Variants in IRF3 observed in about 807,000 individuals in gnomAD.
The protein encoded by IRF3 is interferon regulatory factor 3.
IRF3 carries 29 observed loss-of-function variants against 43.2 expected under a neutral mutation model. The observed-to-expected ratio is 0.67, with a 90% CI of 0.50 to 0.91. The LOEUF (loss-of-function observed/expected upper bound fraction) is 0.91. Among genes scored for constraint, IRF3 ranks in the 40% least tolerant of loss-of-function variants. The pLI is 0.00. For missense variants in IRF3, 505 were observed against 559.1 expected (o/e 0.90, Z 0.98); for synonymous variants, 228 against 233.9 (o/e 0.97, Z 0.23).
chr19:49,660,614 T>C (rs868785668), intron 7 of IRF3, 99 bp downstream of exon 7: 91 of 1,309,308 alleles, frequency 7.0e-5, no homozygotes, highest in Middle Eastern at 5.4e-4. Flanking sequence ...GAAGTTGCAG[T>C]TTTTTAGAGG....
Position 49,660,821 on chromosome 19 carries a change from A to C in IRF3, c.990T>G (p.Ile330Met). The change falls in exon 7 of 8, where the codon ATT becomes ATG. Residue 330 changes from isoleucine to methionine, a missense_variant. Transcript: ENST00000377139. ...AGCGTCCGCTTCCTTCCGTGAAGGT[A>C]ATCAGATCTGGGGGCCCAGGAGCCT... ...FDLGPFIVDL[I>M]TFTEGSGRSP... 6.3e-7 allele frequency: 1 copy of C among 1,598,382 alleles called. No homozygotes were observed. Among genetic ancestry groups the C allele is most frequent in the Non-Finnish European group, 8.5e-7 (1 of 1,172,924 alleles).
intron 6 of IRF3, 116 bp from the exon 7 acceptor site, chr19:49,660,944 G>A (rs1022160232): frequency 1.5e-5 from 18 of 1,181,158 alleles, no homozygotes; most frequent in African/African-American, 3.1e-5. Flanking sequence ...CTGCTGCCTC[G>A]ACCAGGGGAC....
chr19:49,660,873 AC>A, intron 6 of IRF3, 45 bp from the exon 7 acceptor site: 1 of 1,554,342 alleles, frequency 6.4e-7, no homozygotes, highest in African/African-American at 1.4e-5. Flanking sequence ...AGGACCCTCT[AC>A]CCACCCTTCC....
rs1329164380 is a variant in IRF3, at chr19:49,665,563, G to C, written c.-9+68C>G. The C allele has an allele frequency of 1.6e-5, 8 of 493,666 alleles. No homozygotes were observed. The East Asian group carries it at 2.8e-4, about 17-fold the overall frequency. The allele number at this position is 493,666 out of a possible 1,614,324, so 30.6% of individuals were successfully genotyped here. ...AGCCTGCCTTTCCACTCTCCGTGCA[G>C]ACCCATCCTCTTTCCCGCTCCTCGC... On this transcript the variant is annotated intron_variant, in intron 1 of 7. Transcript: ENST00000377139.
chr19:49,660,027 A>ACACACACACACACACACACACCCCC (rs57168131), intron 7 of IRF3, among the ~76,000 whole-genome samples, 194 bp from the exon 8 acceptor site: 1 of 74,716 alleles, frequency 1.3e-5, no homozygotes, highest in African/African-American at 9.9e-5. Flanking sequence ...ACACACACAC[A>ACACACACACACACACACACACCCCC]CCCCCTGCTG....
rs974849430 is a variant in IRF3 at position 49,665,617 on chromosome 19, C to T, written c.-9+14G>A. The T allele has an allele frequency of 2.8e-5, 17 of 617,102 alleles. No homozygotes were observed. The highest frequency in any genetic ancestry group is 2.1e-4 in the Admixed American group (7 of 33,074). The allele number at this position is 617,102 out of a possible 1,614,324, so 38.2% of individuals were successfully genotyped here. A position where few individuals can be genotyped will look rare whatever the true frequency, so the allele number is the denominator to read the frequency against. The stretch of plus-strand genomic sequence containing the variant: ...CGGACGCCACCAACGCTCTCCCGGG[C>T]TCTTCCGCGTTACCTACGATGGAAG... On this transcript the variant is annotated intron_variant, in intron 1 of 7. Transcript: ENST00000377139.
chr19:49,664,844 G>C lies in IRF3; in HGVS notation c.-6C>G. On this transcript the variant is annotated splice_region_variant and 5_prime_UTR_variant, in exon 2 of 8. Transcript: ENST00000377139. ...CGTGGCTTTGGGGTTCCCATGGTCC[G>C]GCCTGCGCGTATAGGGCATTTCCTG... 1 of 1,610,060 alleles carries C rather than the reference G, an allele frequency of 6.2e-7. No individual in the cohort carries two copies. Among genetic ancestry groups the C allele is most frequent in the East Asian group, 2.2e-5 (1 of 44,818 alleles).
chr19:49,660,433 C>G (rs2081271993), intron 7 of IRF3, among the ~76,000 whole-genome samples: 1 of 152,180 alleles, frequency 6.6e-6, no homozygotes, highest in African/African-American at 2.4e-5. Context: ...GGAGCAGTTT[C>G]ATCCCGAAAC....
At chr19:49,664,998 T>G in intron 1 of IRF3, 152 bp from the exon 2 acceptor site, 1 of 730,960 alleles carries the variant, frequency 1.4e-6, no homozygotes, top group Non-Finnish European at 2.2e-6. Flanking sequence ...CCTCTTCCCA[T>G]CCTCCCATCC....
chr19:49,660,064 T>A (rs1156810270), intron 7 of IRF3, among the ~76,000 whole-genome samples: 1 of 141,002 alleles, frequency 7.1e-6, no homozygotes, highest in African/African-American at 2.7e-5. Context: ...CTAGGGCTGC[T>A]GGGAGTTGTA....
chr19:49,664,540 T>A, intron 2 of IRF3, 134 bp downstream of exon 2: 4 of 1,559,928 alleles, frequency 2.6e-6, no homozygotes, highest in Non-Finnish European at 2.6e-6. Context: ...CCTCCCGTTC[T>A]AGCCCCACCC....
Position 49,663,180 on chromosome 19 carries a change from A to AT in IRF3, c.408+7dup. On this transcript the variant is annotated splice_region_variant and intron_variant, in intron 4 of 7. Coordinates refer to ENST00000377139, the MANE Select transcript of IRF3 (RefSeq NM_001571.6). ...ACTGAGGGGCATGAAAGTTGGGCAC[A>AT]TTCTCACCTGGGTATCAGAAGTACT... is the stretch of plus-strand genomic sequence containing the variant. The AT allele has an allele frequency of 6.2e-7, 1 of 1,613,134 alleles. No individual in the cohort carries two copies. Among genetic ancestry groups the AT allele is most frequent in the East Asian group, 2.2e-5 (1 of 44,878 alleles).
chr19:49,663,490 A>G lies in IRF3; in HGVS notation c.190T>C (p.Tyr64His), dbSNP rs1483450963. The change falls in exon 3 of 8, where the codon TAT becomes CAT. Residue 64 changes from tyrosine to histidine, a missense_variant. Physicochemically the swap from Tyr to His is moderately conservative, Grantham distance 83. Transcript: ENST00000377139. ...FQAWAEATGA[Y>H]VPGRDKPDLP... ...TCTGGCTTATCCCTCCCGGGAACATATGCACCAGTGGCCTCGGCCCAGGCC... is the reference window on the plus strand; with the variant it reads ...TCTGGCTTATCCCTCCCGGGAACATGTGCACCAGTGGCCTCGGCCCAGGCC... 7 of 1,613,984 alleles carry G rather than the reference A, an allele frequency of 4.3e-6. No individual in the cohort carries two copies. In the South Asian group the frequency reaches 5.5e-5, roughly 13 times the overall value.
At chr19:49,665,297 CAG>C (rs1468765826) in intron 1 of IRF3, 4 of 178,000 alleles carry the variant, frequency 2.2e-5, no homozygotes, top group Non-Finnish European at 4.8e-5. Context: ...ATTTCCAACA[CAG>C]AACTTCCATT....
intron 2 of IRF3, chr19:49,664,334 C>G (rs924284487): frequency 3.9e-5 from 31 of 799,184 alleles, no homozygotes; most frequent in Non-Finnish European, 4.5e-5. Flanking sequence ...GGCTCCAGGC[C>G]TCACCTCTGA....
rs563734774 is a variant in IRF3, at chr19:49,665,675, T to C, written c.-53A>G. 3.8e-4 allele frequency: 420 copies of C among 1,105,314 alleles called. No homozygotes were observed. Among genetic ancestry groups the C allele is most frequent in the African/African-American group, 3.8e-3 (241 of 63,738 alleles). 68.5% of individuals were successfully genotyped at this position (1,105,314 alleles called of 1,614,324 possible). A position where few individuals can be genotyped will look rare whatever the true frequency, so the allele number is the denominator to read the frequency against. On this transcript the variant is annotated 5_prime_UTR_variant, in exon 1 of 8. Coordinates refer to ENST00000377139, the MANE Select transcript of IRF3 (RefSeq NM_001571.6). ...CGTGCGGGCAGCTGGAACCCACCCC[T>C]GTCTTGGAGCTCCGGGTAGCTCTCA...
At chr19:49,661,905 G>C (rs201280210) in intron 6 of IRF3, 43 bp downstream of exon 6, 83 of 1,557,444 alleles carry the variant, frequency 5.3e-5, no homozygotes, top group African/African-American at 1.4e-4. Flanking sequence ...CCACTGTGCA[G>C]GCTGCTTTGT....
Position 49,664,854 on chromosome 19 carries a change from T to C in IRF3, c.-8-8A>G. ...GGGTTCCCATGGTCCGGCCTGCGCG[T>C]ATAGGGCATTTCCTGGGCGCGACCG... On this transcript the variant is annotated splice_polypyrimidine_tract_variant and splice_region_variant and intron_variant, in intron 1 of 7. Transcript: ENST00000377139. The C allele has an allele frequency of 6.2e-7, 1 of 1,605,404 alleles. No individual in the cohort carries two copies. Among genetic ancestry groups the C allele is most frequent in the South Asian group, 1.1e-5 (1 of 90,680 alleles).
chr19:49,662,464 A>AG lies in IRF3; in HGVS notation c.561dup (p.Ser188LeufsTer2), dbSNP rs1160661500. The AG allele has an allele frequency of 6.3e-7, 1 of 1,595,060 alleles. No homozygotes were observed. Among genetic ancestry groups the AG allele is most frequent in the African/African-American group, 1.3e-5 (1 of 74,178 alleles). On this transcript the variant is annotated frameshift_variant, in exon 5 of 8. Coordinates refer to ENST00000377139, the MANE Select transcript of IRF3 (RefSeq NM_001571.6). LOFTEE classifies it high-confidence loss of function. Reference sequence around the variant, plus strand: ...AACAGCCGCTTCAGTGGGTTCTCAGAGGGCCCCAGGTTTGGGAAGGGAGTG... The same window carrying AG: ...AACAGCCGCTTCAGTGGGTTCTCAGAGGGGCCCCAGGTTTGGGAAGGGAGTG...
Sources: gnomAD v4.1 joint callset for allele counts (sites outside exome capture counted in the v4.1 genomes callset) on GRCh38, gnomAD v4.1.1 for gene constraint, MANE v1.5 for transcripts, NCBI Gene and HGNC (gene_info 2026-07-23, HGNC 2026-07-21) for gene names.